Variants in ARMC3 observed in about 807,000 individuals in gnomAD.
ARMC3 encodes armadillo repeat-containing protein 3.
A neutral mutation model predicts 90.3 loss-of-function variants in ARMC3; 74 were observed. The observed-to-expected ratio is 0.82, with a 90% CI of 0.68 to 0.99. The LOEUF (loss-of-function observed/expected upper bound fraction) is 0.99, where lower values mean the gene tolerates loss of function less well. ARMC3 is among the 50% of genes least tolerant of loss of function. The pLI is 0.00. For synonymous variants in ARMC3, 334 were observed against 361.8 expected, an observed-to-expected ratio of 0.92 and a Z score of 0.87; for missense variants, 958 against 1,042.8, an observed-to-expected ratio of 0.92 and a Z score of 1.12.
At chr10:23,023,816 T>A (rs1838606192) in intron 16 of ARMC3, among the ~76,000 whole-genome samples, 1 of 151,054 alleles carries the variant, frequency 6.6e-6, no homozygotes, top group African/African-American at 2.4e-5. Flanking sequence ...AAGAGAAAAA[T>A]TAACTGGAAA....
At chr10:23,025,224 A>G (rs1326286255) in intron 16 of ARMC3, among the ~76,000 whole-genome samples, 1 of 152,158 alleles carries the variant, frequency 6.6e-6, no homozygotes, top group Non-Finnish European at 1.5e-5. Flanking sequence ...GCAGGGATAC[A>G]GAAGATTTCA....
At chr10:22,979,755 A>G (rs1448841730) in intron 8 of ARMC3, among the ~76,000 whole-genome samples, 1 of 152,204 alleles carries the variant, frequency 6.6e-6, no homozygotes, top group Non-Finnish European at 1.5e-5. Flanking sequence ...TTTAGAGTTA[A>G]GTATTAACTG....
At chr10:22,954,666 T>C (rs141561360) in intron 3 of ARMC3, among the ~76,000 whole-genome samples, 7,790 of 145,990 alleles carry the variant, frequency 0.053, 397 homozygotes, top group African/African-American at 0.14. Flanking sequence ...AGCAAGACCC[T>C]GTCTCAAGAA....
At position 23,037,495 on chromosome 10, in the gene ARMC3, CA is replaced by C. The variant is rs1365831420; in HGVS notation, c.*18del. The C allele has an allele frequency of 6.2e-7, 1 of 1,600,526 alleles. No individual in the cohort carries two copies. Among genetic ancestry groups the C allele is most frequent in the Admixed American group, 1.7e-5 (1 of 59,058 alleles). On this transcript the variant is annotated 3_prime_UTR_variant, in exon 19 of 19. Transcript: ENST00000298032. Reference sequence around the variant, plus strand: ...ATTCATTTAAGCCATCAGACGAACACAAGAGAGGCTCAAACAAGAAATTCAC... The same window carrying C: ...ATTCATTTAAGCCATCAGACGAACACAGAGAGGCTCAAACAAGAAATTCAC...
At chr10:23,034,188 C>G (rs1232062930) in intron 18 of ARMC3, among the ~76,000 whole-genome samples, 2 of 152,152 alleles carry the variant, frequency 1.3e-5, no homozygotes, top group African/African-American at 4.8e-5. Context: ...CCTTGGATTG[C>G]CTGCTCTATC....
At chr10:23,009,554 C>T (rs1210965492) in intron 16 of ARMC3, among the ~76,000 whole-genome samples, 1 of 152,156 alleles carries the variant, frequency 6.6e-6, no homozygotes, top group African/African-American at 2.4e-5. Flanking sequence ...TGCAGTGGCA[C>T]CATCTCCCAT....
At chr10:23,030,498 T>C in intron 16 of ARMC3, 98 bp from the exon 17 acceptor site, 1 of 1,501,008 alleles carries the variant, frequency 6.7e-7, no homozygotes, top group Non-Finnish European at 8.9e-7. Context: ...GGGTTCACTG[T>C]ACCTTTTTTC....
intron 16 of ARMC3, among the ~76,000 whole-genome samples, chr10:23,020,467 G>A (rs1388255167): frequency 6.6e-6 from 1 of 152,224 alleles, no homozygotes; most frequent in Non-Finnish European, 1.5e-5. Context: ...ATACCTGGGA[G>A]TGGGATTTCT....
chr10:23,027,488 T>C (rs1027541897), intron 16 of ARMC3, among the ~76,000 whole-genome samples: 8 of 152,208 alleles, frequency 5.3e-5, no homozygotes, highest in Non-Finnish European at 8.8e-5. Flanking sequence ...GTTGATCTTA[T>C]ATCCTGACCC....
chr10:22,938,404 G>T (rs754793069), intron 2 of ARMC3, among the ~76,000 whole-genome samples: 1 of 152,178 alleles, frequency 6.6e-6, no homozygotes, highest in Non-Finnish European at 1.5e-5. Context: ...TCGTTGGAAG[G>T]TGACAAAGAG....
intron 2 of ARMC3, among the ~76,000 whole-genome samples, chr10:22,936,018 C>G (rs531126061): frequency 6.6e-6 from 1 of 152,100 alleles, no homozygotes; most frequent in Non-Finnish European, 1.5e-5. Flanking sequence ...TTGTACTTAT[C>G]GGCACCATAA....
At position 22,968,376 on chromosome 10, in the gene ARMC3, T is replaced by G. The variant is rs1588858012; in HGVS notation, c.803T>G (p.Val268Gly). The G allele has an allele frequency of 6.2e-7, 1 of 1,614,068 alleles. No homozygotes were observed. Among genetic ancestry groups the G allele is most frequent in the Non-Finnish European group, 8.5e-7 (1 of 1,179,938 alleles). Residue 268 changes from valine to glycine, a missense_variant, in exon 8 of 19, where the codon GTG (valine) becomes GGG (glycine). Coordinates refer to ENST00000298032, the MANE Select transcript of ARMC3 (RefSeq NM_173081.5). ...TGCCTTGAAGACATGGATACTATGG[T>G]GCAGATTCAGCAGACAGGGGGTCTT... ...ANCLEDMDTM[V>G]QIQQTGGLKK... is the part of the protein sequence containing the mutation.
chr10:22,975,176 T>C (rs1007810986), intron 8 of ARMC3, among the ~76,000 whole-genome samples: 3 of 152,260 alleles, frequency 2.0e-5, no homozygotes, highest in Admixed American at 2.0e-4. Flanking sequence ...TTACCTTACC[T>C]GTGCATAGGT....
Position 23,037,264 on chromosome 10 carries a change from C to T in ARMC3, c.2410-6C>T. The T allele has an allele frequency of 6.3e-7, 1 of 1,576,520 alleles. No homozygotes were observed. The highest frequency in any genetic ancestry group is 8.6e-7 in the Non-Finnish European group (1 of 1,156,450). The stretch of plus-strand genomic sequence containing the variant: ...CCCTTGGTTGATCTCTTGTTTTCTC[C>T]TGCAGGCTCTGGCTGATAGAATTGG... On this transcript the variant is annotated splice_polypyrimidine_tract_variant and splice_region_variant and intron_variant, in intron 18 of 18. Transcript: ENST00000298032.
chr10:22,959,170 ATGGAAC>A, intron 5 of ARMC3, 32 bp downstream of exon 5: 1 of 1,567,396 alleles, frequency 6.4e-7, no homozygotes, highest in South Asian at 1.1e-5. Context: ...GTTTTAAAAA[ATGGAAC>A]TGGTTTTTTA....
intron 7 of ARMC3, among the ~76,000 whole-genome samples, chr10:22,965,115 G>A (rs10828384): frequency 0.061 from 9,290 of 152,086 alleles, 397 homozygotes; most frequent in Middle Eastern, 0.12. Flanking sequence ...TCAATATTTA[G>A]TATTTTATAT....
At chr10:22,992,686 C>T (rs73600591) in intron 10 of ARMC3, among the ~76,000 whole-genome samples, 1,790 of 152,226 alleles carry the variant, frequency 0.012, 28 homozygotes, top group African/African-American at 0.04. Context: ...GGGGCTGTGG[C>T]GGGATGATCC....
At chr10:22,999,853 C>T (rs915183482) in intron 11 of ARMC3, among the ~76,000 whole-genome samples, 6 of 152,140 alleles carry the variant, frequency 3.9e-5, no homozygotes, top group Non-Finnish European at 7.3e-5. Context: ...TTCATTTGTG[C>T]TCACCCACTC....
At chr10:22,969,461 T>C (rs916395394) in intron 8 of ARMC3, among the ~76,000 whole-genome samples, 2 of 152,208 alleles carry the variant, frequency 1.3e-5, no homozygotes, top group African/African-American at 2.4e-5. Flanking sequence ...ATGTATACTA[T>C]GGGAAACACT....
Sources: gnomAD v4.1 joint callset for allele counts (sites outside exome capture counted in the v4.1 genomes callset) on GRCh38, gnomAD v4.1.1 for gene constraint, MANE v1.5 for transcripts, NCBI Gene and HGNC (gene_info 2026-07-23, HGNC 2026-07-21) for gene names.